Variants in AFF3 observed in about 807,000 individuals in gnomAD.
AFF3 encodes the protein AF4/FMR2 family member 3.
Under a neutral mutation model 129.7 loss-of-function variants are expected in AFF3, and 32 were observed. The ratio of observed to expected loss-of-function variants is 0.25; its 90% CI spans 0.19 to 0.33. AFF3 has a LOEUF of 0.33. AFF3 is among the 10% of genes least tolerant of loss of function. The pLI is 1.00. For synonymous variants in AFF3, 644 were observed against 635.4 expected, an observed-to-expected ratio of 1.01 and a Z score of -0.20; for missense variants, 1,373 against 1,592.0, an observed-to-expected ratio of 0.86 and a Z score of 2.34.
chr2:100,136,528 A>G (rs1356926832), intron 1 of AFF3, among the ~76,000 whole-genome samples: 1 of 152,190 alleles, frequency 6.6e-6, no homozygotes. Flanking sequence ...CTGATTTGAA[A>G]AGGGGCTTTT....
chr2:99,908,046 T>C (rs1694841933), intron 7 of AFF3, among the ~76,000 whole-genome samples: 1 of 152,182 alleles, frequency 6.6e-6, no homozygotes, highest in Non-Finnish European at 1.5e-5. Context: ...AGGTGGCTTA[T>C]GCTTGCCCAA....
At position 99,805,813 on chromosome 2, in the gene AFF3, TACAC is replaced by T. The variant is rs3072357; in HGVS notation, c.921+31660_921+31663del. On this transcript the variant is annotated intron_variant, in intron 8 of 24. Coordinates refer to ENST00000672756, the MANE Select transcript of AFF3 (RefSeq NM_001386135.1). The stretch of plus-strand genomic sequence containing the variant: ...AGGAAACATCTGCCTGCAGGAGTCT[TACAC>T]ACACACACACACACACACACACACA... Among the ~76,000 whole-genome samples, 1,253 of 142,920 alleles carry T rather than the reference TACAC, an allele frequency of 8.8e-3. 20 individuals carry two copies. Among genetic ancestry groups the T allele is most frequent in the African/African-American group, 0.027 (1,070 of 39,080 alleles). The allele number at this position is 142,920 out of a possible 152,430, so 93.8% of individuals were successfully genotyped here.
At chr2:99,896,695 G>A (rs1489335634) in intron 7 of AFF3, among the ~76,000 whole-genome samples, 1 of 127,836 alleles carries the variant, frequency 7.8e-6, no homozygotes, top group Non-Finnish European at 1.6e-5. Flanking sequence ...GAGTGCCGTG[G>A]CACGATCTCG....
chr2:99,949,880 G>A (rs1332075153), intron 7 of AFF3, among the ~76,000 whole-genome samples: 1 of 151,874 alleles, frequency 6.6e-6, no homozygotes, highest in Non-Finnish European at 1.5e-5. Context: ...TAAACTTTAG[G>A]GAAATATGTG....
chr2:99,796,181 A>T (rs1558859351), intron 8 of AFF3, among the ~76,000 whole-genome samples: 1 of 152,130 alleles, frequency 6.6e-6, no homozygotes, highest in Non-Finnish European at 1.5e-5. Flanking sequence ...GTATTTTATG[A>T]TCTAAACAAA....
intron 7 of AFF3, among the ~76,000 whole-genome samples, chr2:99,941,573 T>C (rs1417633610): frequency 6.6e-6 from 1 of 152,244 alleles, no homozygotes; most frequent in East Asian, 1.9e-4. Flanking sequence ...ACTTAAAAAC[T>C]ACATTTCCTA....
intron 4 of AFF3, among the ~76,000 whole-genome samples, chr2:100,076,378 G>T (rs1057182261): frequency 6.6e-6 from 1 of 152,202 alleles, no homozygotes; most frequent in African/African-American, 2.4e-5. Context: ...CACAGAGGAT[G>T]TGACAACTTC....
At chr2:100,107,471 AAG>A (rs1457417751) in intron 2 of AFF3, 5 of 985,224 alleles carry the variant, frequency 5.1e-6, no homozygotes, top group African/African-American at 1.7e-5. Context: ...GTAAAAGAGA[AAG>A]AGACTCTCTA....
intron 8 of AFF3, among the ~76,000 whole-genome samples, chr2:99,796,825 C>CACCAA (rs1685585227): frequency 6.6e-6 from 1 of 152,168 alleles, no homozygotes. Flanking sequence ...AAATTGTGCT[C>CACCAA]ACCAGCCAGA....
chr2:99,716,098 G>A (rs1678358276), intron 11 of AFF3, among the ~76,000 whole-genome samples: 1 of 152,162 alleles, frequency 6.6e-6, no homozygotes, highest in Non-Finnish European at 1.5e-5. Context: ...ACTTGAGAGT[G>A]GATTTTCAGT....
intron 13 of AFF3, among the ~76,000 whole-genome samples, chr2:99,612,819 C>A (rs1029949033): frequency 6.6e-6 from 1 of 152,150 alleles, no homozygotes; most frequent in Non-Finnish European, 1.5e-5. Flanking sequence ...CCTAAATAAG[C>A]CGAGGACCTC....
At chr2:100,073,935 C>CA (rs199678450) in intron 4 of AFF3, among the ~76,000 whole-genome samples, 1,899 of 152,174 alleles carry the variant, frequency 0.012, 43 homozygotes, top group African/African-American at 0.043. Flanking sequence ...TGTTAAATTA[C>CA]AAAAAACAAG....
chr2:100,031,236 C>T (rs994397416), intron 4 of AFF3, among the ~76,000 whole-genome samples: 1 of 152,060 alleles, frequency 6.6e-6, no homozygotes, highest in Non-Finnish European at 1.5e-5. Context: ...TACATGCATA[C>T]TGGAATTAAA....
At chr2:99,799,905 G>T (rs140647370) in intron 8 of AFF3, among the ~76,000 whole-genome samples, 4 of 152,248 alleles carry the variant, frequency 2.6e-5, no homozygotes, top group African/African-American at 9.6e-5. Context: ...ATGTGCAAAA[G>T]TTGAATTTCC....
intron 4 of AFF3, among the ~76,000 whole-genome samples, chr2:100,074,023 C>T (rs1409342259): frequency 2.0e-5 from 3 of 152,190 alleles, no homozygotes; most frequent in African/African-American, 4.8e-5. Flanking sequence ...CAGAAGGAGA[C>T]TGAGTAGAAA....
chr2:100,048,340 T>A (rs1244987402), intron 4 of AFF3, among the ~76,000 whole-genome samples: 1 of 152,262 alleles, frequency 6.6e-6, no homozygotes, highest in Non-Finnish European at 1.5e-5. Flanking sequence ...TTCCATTGTG[T>A]TAATTTACAC....
intron 8 of AFF3, among the ~76,000 whole-genome samples, chr2:99,781,628 T>C (rs1265516615): frequency 6.6e-6 from 1 of 152,180 alleles, no homozygotes; most frequent in Non-Finnish European, 1.5e-5. Flanking sequence ...TGGATGGCCC[T>C]CAAAGCCTAA....
At chr2:99,611,594 A>T (rs1403017283) in intron 13 of AFF3, among the ~76,000 whole-genome samples, 1 of 151,896 alleles carries the variant, frequency 6.6e-6, no homozygotes, top group African/African-American at 2.4e-5. Flanking sequence ...TAGGGTGGTT[A>T]TTGTCTACAA....
intron 8 of AFF3, among the ~76,000 whole-genome samples, chr2:99,755,267 C>T (rs960702880): frequency 1.2e-4 from 18 of 151,674 alleles, no homozygotes; most frequent in Non-Finnish European, 2.2e-4. Flanking sequence ...ATGATATTTT[C>T]CTATTTTTTT....
Sources: allele counts gnomAD v4.1 joint callset (sites outside exome capture counted in the v4.1 genomes callset), GRCh38; gene constraint gnomAD v4.1.1; transcripts MANE v1.5; gene names NCBI Gene and HGNC (gene_info 2026-07-23, HGNC 2026-07-21).